Variants in TFB1M observed in about 807,000 individuals in gnomAD.
TFB1M encodes transcription factor B1, mitochondrial.
TFB1M carries 27 observed loss-of-function variants against 31.1 expected under a neutral mutation model. The ratio of observed to expected loss-of-function variants is 0.87; its 90% CI spans 0.64 to 1.20. The LOEUF is 1.20. Ranked by LOEUF, TFB1M falls within the 50% of genes most tolerant of loss-of-function variation. The pLI, the probability that TFB1M is intolerant of heterozygous loss-of-function variation, is 0.00. For missense variants in TFB1M, 394 were observed against 418.7 expected, an observed-to-expected ratio of 0.94 and a Z score of 0.51; for synonymous variants, 166 against 151.8, an observed-to-expected ratio of 1.09 and a Z score of -0.69.
chr6:155,265,035 A>G (rs1784562254), intron 5 of TFB1M, among the ~76,000 whole-genome samples: 1 of 152,232 alleles, frequency 6.6e-6, no homozygotes, highest in African/African-American at 2.4e-5. Flanking sequence ...GAGGGAAAAG[A>G]CCTTCCTAAA....
chr6:155,238,923 GA>G, the TFB1M span, among the ~76,000 whole-genome samples: 1 of 152,170 alleles, frequency 6.6e-6, no homozygotes, highest in Non-Finnish European at 1.5e-5. Context: ...TTTTAATGTG[GA>G]TTGTATATTT....
chr6:155,244,864 A>T, the TFB1M span: 1 of 1,458,032 alleles, frequency 6.9e-7, no homozygotes, highest in Non-Finnish European at 9.2e-7. Context: ...TCTCATGAGA[A>T]AGAATTTCTT....
intron 5 of TFB1M, among the ~76,000 whole-genome samples, chr6:155,281,074 CTTATTT>C (rs1785478198): frequency 6.6e-6 from 1 of 151,986 alleles, no homozygotes; most frequent in South Asian, 2.1e-4. Context: ...AATTATAATC[CTTATTT>C]TTATATCAGA....
rs531928395 is a variant in TFB1M at position 155,292,091 on chromosome 6, C to T, written c.546+4862G>A. Among the ~76,000 whole-genome samples the T allele has an allele frequency of 1.4e-4, 21 of 152,222 alleles. No individual in the cohort carries two copies. The East Asian group carries it at 3.3e-3, about 24-fold the overall frequency. The stretch of plus-strand genomic sequence containing the variant: ...GGAAAGGAGATGAGCCTTAGATGCC[C>T]GGCCTGAAGAGGACTGGAGGCCCTT... On this transcript the variant is annotated intron_variant, in intron 4 of 6. Transcript: ENST00000367166.
intron 5 of TFB1M, among the ~76,000 whole-genome samples, chr6:155,284,621 G>A (rs1776538095): frequency 6.6e-6 from 1 of 152,240 alleles, no homozygotes; most frequent in South Asian, 2.1e-4. Flanking sequence ...ATTTTTGGCA[G>A]AGAAACTCTG....
At chr6:155,269,965 T>C (rs1247555596) in intron 5 of TFB1M, among the ~76,000 whole-genome samples, 1 of 152,188 alleles carries the variant, frequency 6.6e-6, no homozygotes, top group Non-Finnish European at 1.5e-5. Context: ...CAGAGAGAAG[T>C]GCTTGCCCTG....
At chr6:155,286,133 C>T (rs1268892777) in intron 4 of TFB1M, among the ~76,000 whole-genome samples, 1 of 152,100 alleles carries the variant, frequency 6.6e-6, no homozygotes, top group Non-Finnish European at 1.5e-5. Context: ...GATGTAGCAA[C>T]TGCTAACAGA....
intron 5 of TFB1M, among the ~76,000 whole-genome samples, chr6:155,269,323 TC>T (rs1270641746): frequency 6.9e-4 from 51 of 74,066 alleles, no homozygotes; most frequent in African/African-American, 2.4e-3. Context: ...TCTTTTCTTT[TC>T]TTTTTTTTTT....
the TFB1M span, among the ~76,000 whole-genome samples, chr6:155,240,236 T>A: frequency 1.3e-5 from 2 of 152,252 alleles, no homozygotes; most frequent in African/African-American, 4.8e-5. Context: ...CTGCAGAGGG[T>A]TAGCCCTAGG....
chr6:155,250,429 C>A, the TFB1M span: 1 of 814,208 alleles, frequency 1.2e-6, no homozygotes, highest in Non-Finnish European at 1.9e-6. Flanking sequence ...GCTTCTCAAG[C>A]CAGCATGCAG....
intron 2 of TFB1M, among the ~76,000 whole-genome samples, 190 bp from the exon 3 acceptor site, chr6:155,298,775 T>A (rs1050717867): frequency 6.6e-6 from 1 of 152,220 alleles, no homozygotes; most frequent in Non-Finnish European, 1.5e-5. Flanking sequence ...CACCTATGAA[T>A]GATTAGGGAT....
downstream of TFB1M, chr6:155,252,002 T>C: frequency 6.2e-7 from 1 of 1,603,612 alleles, no homozygotes; most frequent in Non-Finnish European, 8.5e-7. Flanking sequence ...AAAAAGAAAT[T>C]GGTAAGGCAA....
chr6:155,291,510 C>G (rs113070063), intron 4 of TFB1M, among the ~76,000 whole-genome samples: 1 of 152,138 alleles, frequency 6.6e-6, no homozygotes, highest in East Asian at 1.9e-4. Flanking sequence ...AACAAACATG[C>G]AACGGTCCTA....
intron 1 of TFB1M, among the ~76,000 whole-genome samples, chr6:155,312,937 C>A (rs566682962): frequency 1.1e-3 from 164 of 151,916 alleles, no homozygotes; most frequent in Non-Finnish European, 1.9e-3. Context: ...AAGTAGTAGG[C>A]CCTTCTTCCA....
the TFB1M span, chr6:155,250,707 C>T: frequency 1.5e-6 from 2 of 1,296,986 alleles, no homozygotes; most frequent in Non-Finnish European, 2.1e-6. Flanking sequence ...AATGCCTTCA[C>T]CTTTATGTTA....
intron 3 of TFB1M, 144 bp from the exon 4 acceptor site, chr6:155,297,248 T>C: frequency 2.3e-6 from 2 of 854,870 alleles, no homozygotes; most frequent in South Asian, 1.7e-5. Flanking sequence ...TTTTTTCACT[T>C]ATTATTCAAA....
intron 4 of TFB1M, among the ~76,000 whole-genome samples, chr6:155,287,902 A>G (rs918093463): frequency 1.3e-5 from 2 of 152,120 alleles, no homozygotes; most frequent in African/African-American, 4.8e-5. Flanking sequence ...AACACCAATG[A>G]TTACTGGAAT....
chr6:155,253,272 G>T, downstream of TFB1M: 3 of 508,934 alleles, frequency 5.9e-6, no homozygotes, highest in Middle Eastern at 5.2e-4. Context: ...GCCTTTCATT[G>T]TTTCCTTATT....
the TFB1M span, chr6:155,244,552 T>C: frequency 7.3e-7 from 1 of 1,378,922 alleles, no homozygotes; most frequent in Admixed American, 2.1e-5. Flanking sequence ...TCTGTCTGCT[T>C]TTCCGTGAAG....
Sources: allele counts gnomAD v4.1 joint callset (sites outside exome capture counted in the v4.1 genomes callset), GRCh38; gene constraint gnomAD v4.1.1; transcripts MANE v1.5; gene names NCBI Gene and HGNC (gene_info 2026-07-23, HGNC 2026-07-21).